Variants in ZNF823 observed in about 807,000 individuals in gnomAD.
The protein encoded by ZNF823 is ZFP 36 for a zinc finger protein.
Under a neutral mutation model 11.4 loss-of-function variants are expected in ZNF823, and 5 were observed. The observed-to-expected ratio is 0.44, with a 90% CI of 0.23 to 0.92. ZNF823 has a LOEUF of 0.92. Ranked by LOEUF, ZNF823 falls within the 40% of genes least tolerant of loss-of-function variation. The probability of loss-of-function intolerance (pLI) is 0.24; values close to 1 mark genes in which losing one functional copy is unlikely to be tolerated. For missense variants in ZNF823, 582 were observed against 738.5 expected (o/e 0.79, Z 2.46); for synonymous variants, 234 against 250.5 (o/e 0.93, Z 0.62).
chr19:11,729,782 A>T (rs1458679717), intron 1 of ZNF823, among the ~76,000 whole-genome samples: 1 of 152,104 alleles, frequency 6.6e-6, no homozygotes, highest in Non-Finnish European at 1.5e-5. Flanking sequence ...TTCCTCTAAG[A>T]CGGAAACTTG....
chr19:11,721,467 A>T lies in ZNF823; in HGVS notation c.*234T>A. 1 of 480,088 alleles carries T rather than the reference A, an allele frequency of 2.1e-6. No homozygotes were observed. 29.7% of individuals were successfully genotyped at this position (480,088 alleles called of 1,614,324 possible). On this transcript the variant is annotated 3_prime_UTR_variant, in exon 4 of 4. Coordinates refer to ENST00000341191, the MANE Select transcript of ZNF823 (RefSeq NM_001080493.4). Reference sequence around the variant, plus strand: ...AGAGATGATTTACACAGTATACTGGAAGATATGCATAGGTTACATGCAAAT... The same window carrying T: ...AGAGATGATTTACACAGTATACTGGTAGATATGCATAGGTTACATGCAAAT...
intron 1 of ZNF823, among the ~76,000 whole-genome samples, chr19:11,731,637 CA>C (rs1568469538): frequency 6.6e-6 from 1 of 152,194 alleles, no homozygotes; most frequent in East Asian, 1.9e-4. Context: ...GCCCCCACTG[CA>C]GATGTCATTT....
chr19:11,738,829 T>G lies in ZNF823; in HGVS notation c.-10A>C, dbSNP rs767662234. 2 of 1,609,618 alleles carry G rather than the reference T, an allele frequency of 1.2e-6. No individual in the cohort carries two copies. Among genetic ancestry groups the G allele is most frequent in the African/African-American group, 2.7e-5 (2 of 74,640 alleles). Reference sequence around the variant, plus strand: ...CCCGCACACTCACCATTTCCCAGCTTCCAGGTGTCCGGGTGTCCTCCTTAA... The same window carrying G: ...CCCGCACACTCACCATTTCCCAGCTGCCAGGTGTCCGGGTGTCCTCCTTAA... On this transcript the variant is annotated 5_prime_UTR_variant, in exon 1 of 4. Transcript: ENST00000341191.
rs1360000330 is a variant in ZNF823, at chr19:11,721,753, G to A, written c.1781C>T (p.Ser594Phe). The change falls in exon 4 of 4, where the codon TCT becomes TTT. Residue 594 changes from serine (S) to phenylalanine (F), a missense_variant. Transcript: ENST00000341191. ...ECKECGKALS[S>F]LRSLHRHKRT... ...TTTATGTCTATGCAAGGAACGGAGAGAACTCAATGCTTTCCCACATTCCTT... is the reference window on the plus strand; with the variant it reads ...TTTATGTCTATGCAAGGAACGGAGAAAACTCAATGCTTTCCCACATTCCTT... 3 of 1,614,110 alleles carry A rather than the reference G, an allele frequency of 1.9e-6. No homozygotes were observed. The highest frequency in any genetic ancestry group is 2.5e-6 in the Non-Finnish European group (3 of 1,179,970).
intron 1 of ZNF823, among the ~76,000 whole-genome samples, chr19:11,737,901 C>T (rs1296673411): frequency 1.3e-5 from 2 of 152,036 alleles, no homozygotes; most frequent in African/African-American, 2.4e-5. Context: ...GGAGGGAAAC[C>T]GGTCACCTTT....
chr19:11,725,747 C>T (rs1056128249), intron 1 of ZNF823, among the ~76,000 whole-genome samples: 10 of 152,184 alleles, frequency 6.6e-5, no homozygotes, highest in East Asian at 5.8e-4. Flanking sequence ...GTCTAGGCAC[C>T]GGATCCCACT....
chr19:11,723,102 G>A lies in ZNF823; in HGVS notation c.432C>T (p.Ala144=), dbSNP rs757966396. ...KPYTHKQRGK[A]ISHQHSFQTH... ...TCTGGAAGGAGTGCTGATGACTGAT[G>A]GCTTTCCCACGTTGTTTATGTGTAT... The change falls in exon 4 of 4, where the codon GCC becomes GCT. Residue 144 remains alanine (A), a synonymous_variant. Coordinates refer to ENST00000341191, the MANE Select transcript of ZNF823 (RefSeq NM_001080493.4). 49 of 1,614,044 alleles carry A rather than the reference G, an allele frequency of 3.0e-5. No homozygotes were observed. Among genetic ancestry groups the A allele is most frequent in the Non-Finnish European group, 4.0e-5 (47 of 1,180,044 alleles).
At position 11,734,735 on chromosome 19, in the gene ZNF823, T is replaced by C. The variant is rs367572656; in HGVS notation, c.3+4082A>G. Among the ~76,000 whole-genome samples, 12 of 152,154 alleles carry C rather than the reference T, an allele frequency of 7.9e-5. No homozygotes were observed. The East Asian group carries it at 2.2e-3, about 27-fold the overall frequency. The stretch of plus-strand genomic sequence containing the variant: ...GTATTTTTTAGTAGAGATGGGGTTT[T>C]GCCATATTGGTCAGGCTGGTCTTGA... On this transcript the variant is annotated intron_variant, in intron 1 of 3. Coordinates refer to ENST00000341191, the MANE Select transcript of ZNF823 (RefSeq NM_001080493.4).
chr19:11,738,070 G>A (rs1475483864), intron 1 of ZNF823, among the ~76,000 whole-genome samples: 1 of 152,196 alleles, frequency 6.6e-6, no homozygotes, highest in Non-Finnish European at 1.5e-5. Context: ...CTGGAGGCGA[G>A]ATTGCAGTTA....
At chr19:11,733,299 G>A (rs1039469987) in intron 1 of ZNF823, among the ~76,000 whole-genome samples, 4 of 151,168 alleles carry the variant, frequency 2.6e-5, no homozygotes, top group African/African-American at 9.7e-5. Flanking sequence ...CTCAGGAGTC[G>A]GAGGTTGCAG....
rs1286800240 is a variant in ZNF823, at chr19:11,723,137, C to T, written c.397G>A (p.Glu133Lys). 2 of 1,614,174 alleles carry T rather than the reference C, an allele frequency of 1.2e-6. No individual in the cohort carries two copies. The highest frequency in any genetic ancestry group is 1.7e-6 in the Non-Finnish European group (2 of 1,180,030). Residue 133 changes from glutamate (E) to lysine (K), a missense_variant, in exon 4 of 4, where the codon GAG becomes AAG. Glu to Lys is a moderately conservative substitution (Grantham distance 56). Coordinates refer to ENST00000341191, the MANE Select transcript of ZNF823 (RefSeq NM_001080493.4). ...CGTTGTTTATGTGTATATGGCTTCT[C>T]TCCATATTCCTGATGCTCACATGAT... ...HKSCEHQEYG[E>K]KPYTHKQRGK...
chr19:11,723,579 C>T (rs1009140789), intron 3 of ZNF823, among the ~76,000 whole-genome samples: 1 of 152,094 alleles, frequency 6.6e-6, no homozygotes, highest in African/African-American at 2.4e-5. Context: ...GAGCTTCACT[C>T]TTGTTGCCCA....
intron 3 of ZNF823, 61 bp from the exon 4 acceptor site, chr19:11,723,403 A>T (rs1974732492): frequency 1.5e-6 from 2 of 1,317,054 alleles, no homozygotes; most frequent in Admixed American, 5.1e-5. Context: ...CTATATATTG[A>T]AGTACTAGAT....
Position 11,725,265 on chromosome 19 carries a change from AC to A in ZNF823, c.65del (p.Gly22ValfsTer22). On this transcript the variant is annotated frameshift_variant, in exon 2 of 4. Coordinates refer to ENST00000341191, the MANE Select transcript of ZNF823 (RefSeq NM_001080493.4). LOFTEE classifies it high-confidence loss of function. ...NFTQEEWALL[G>X]PSQKSLYRNV... is the part of the protein sequence containing the mutation. The stretch of plus-strand genomic sequence containing the variant: ...TTCTGTAGAGACTCTTCTGTGATGG[AC>A]CCAGCAAAGCCCACTCCTCTTGTGT... The A allele has an allele frequency of 5.0e-6, 8 of 1,614,034 alleles. No individual in the cohort carries two copies. The highest frequency in any genetic ancestry group is 6.8e-6 in the Non-Finnish European group (8 of 1,180,000).
In ZNF823 at chr19:11,722,920, C is replaced by T. The variant is rs770041565; in HGVS notation, c.614G>A (p.Ser205Asn). 3.7e-6 allele frequency: 6 copies of T among 1,614,178 alleles called. No individual in the cohort carries two copies. Among genetic ancestry groups the T allele is most frequent in the Non-Finnish European group, 5.1e-6 (6 of 1,180,036 alleles). ...TGTTCTTTCGTGCAAATGAAATAAA[C>T]TGGGCCAAACAAAGGCTTTCCCACA... The part of the protein sequence containing the change: ...KLCGKAFVWP[S>N]LFHLHERTHT... Residue 205 changes from serine to asparagine, a missense_variant, in exon 4 of 4, where the codon AGT (serine) becomes AAT (asparagine). By Grantham distance (46) the Ser-to-Asn change is conservative. Transcript: ENST00000341191. The surrounding 1 kb of genome is among the most constrained non-coding windows in gnomAD (Gnocchi z 5.2).
At chr19:11,736,556 T>C (rs1342265782) in intron 1 of ZNF823, among the ~76,000 whole-genome samples, 1 of 152,122 alleles carries the variant, frequency 6.6e-6, no homozygotes, top group Non-Finnish European at 1.5e-5. Flanking sequence ...AGAAATAAAA[T>C]ATAGGACTAA....
chr19:11,738,931 G>T lies in ZNF823; in HGVS notation c.-112C>A, dbSNP rs549683702. 3 of 1,393,072 alleles carry T rather than the reference G, an allele frequency of 2.2e-6. No individual in the cohort carries two copies. The highest frequency in any genetic ancestry group is 1.4e-5 in the South Asian group (1 of 71,314). The allele number at this position is 1,393,072 out of a possible 1,614,324, so 86.3% of individuals were successfully genotyped here. On this transcript the variant is annotated 5_prime_UTR_variant, in exon 1 of 4. Transcript: ENST00000341191. ...GTCTCTCTCTCAGCGCCAGAGCCAG[G>T]ACTCAGAGCGCAGGGGCGTGGAGAA...
intron 1 of ZNF823, among the ~76,000 whole-genome samples, chr19:11,738,387 C>T (rs1269448961): frequency 2.0e-5 from 3 of 152,242 alleles, no homozygotes; most frequent in South Asian, 2.1e-4. Flanking sequence ...TCCCTGTCCA[C>T]ACCTCTAAAC....
intron 2 of ZNF823, 98 bp downstream of exon 2, chr19:11,725,103 A>G: frequency 6.7e-7 from 1 of 1,485,706 alleles, no homozygotes. Flanking sequence ...TCAAGGGTCA[A>G]CCATATCCTC....
Sources: gnomAD v4.1 joint callset for allele counts (sites outside exome capture counted in the v4.1 genomes callset) on GRCh38, gnomAD v4.1.1 for gene constraint, Gnocchi (gnomAD v3.1) non-coding constraint, MANE v1.5 for transcripts, NCBI Gene and HGNC (gene_info 2026-07-23, HGNC 2026-07-21) for gene names.